The following RBFOX1 variants were observed in gnomAD, a reference collection of about 807,000 sequenced individuals.
RBFOX1 encodes the protein RNA binding fox-1 homolog 1.
RBFOX1 carries 8 observed loss-of-function variants against 57.7 expected under a neutral mutation model. The observed-to-expected ratio is 0.14, with a 90% confidence interval of 0.08 to 0.25. The LOEUF is 0.25. Ranked by LOEUF, RBFOX1 falls within the 10% of genes least tolerant of loss-of-function variation. RBFOX1 has a pLI of 1.00. For missense variants in RBFOX1, 611 were observed against 548.5 expected, an observed-to-expected ratio of 1.11 and a Z score of -1.14; for synonymous variants, 326 against 222.4, an observed-to-expected ratio of 1.47 and a Z score of -4.15.
intron 3 of RBFOX1, among the ~76,000 whole-genome samples, chr16:6,833,649 T>C (rs2092875819): frequency 6.6e-6 from 1 of 152,186 alleles, no homozygotes; most frequent in Non-Finnish European, 1.5e-5. Flanking sequence ...CTTCCTCATG[T>C]CTTCCCATTG....
intron 4 of RBFOX1, among the ~76,000 whole-genome samples, chr16:7,211,554 A>G (rs1221098728): frequency 6.6e-6 from 1 of 152,148 alleles, no homozygotes; most frequent in African/African-American, 2.4e-5. Context: ...TGTAAAGCAA[A>G]CAAACAAAAA....
chr16:6,953,931 C>G (rs777578968), intron 3 of RBFOX1, among the ~76,000 whole-genome samples: 1 of 152,142 alleles, frequency 6.6e-6, no homozygotes, highest in Non-Finnish European at 1.5e-5. Flanking sequence ...GCATCTCTTT[C>G]CTGACAGAGG....
At chr16:7,001,126 C>CG (rs2092751252) in intron 3 of RBFOX1, among the ~76,000 whole-genome samples, 1 of 152,186 alleles carries the variant, frequency 6.6e-6, no homozygotes, top group Admixed American at 6.5e-5. Flanking sequence ...TATCTTCCTT[C>CG]ATTTTTTTCC....
chr16:7,034,432 T>C (rs2043690913), intron 3 of RBFOX1, among the ~76,000 whole-genome samples: 1 of 152,108 alleles, frequency 6.6e-6, no homozygotes, highest in South Asian at 2.1e-4. Flanking sequence ...AGAGAGTCGC[T>C]GCCCTCTGCT....
At chr16:5,639,740 C>A (rs748124995) in intron 3 of RBFOX1, among the ~76,000 whole-genome samples, 3 of 152,168 alleles carry the variant, frequency 2.0e-5, no homozygotes, top group Non-Finnish European at 4.4e-5. Flanking sequence ...TTGGGCGGAA[C>A]AAGATGACTG....
chr16:6,787,421 T>A (rs1412667743), intron 3 of RBFOX1, among the ~76,000 whole-genome samples: 1 of 152,188 alleles, frequency 6.6e-6, no homozygotes, highest in African/African-American at 2.4e-5. Flanking sequence ...GCCGTGTGAT[T>A]TCCAAAATTA....
intron 4 of RBFOX1, among the ~76,000 whole-genome samples, chr16:5,913,506 T>C (rs1402475455): frequency 6.6e-6 from 1 of 152,158 alleles, no homozygotes; most frequent in East Asian, 1.9e-4. Flanking sequence ...TTCCTTGCCG[T>C]ATGACACACC....
chr16:6,156,890 A>G (rs2096842148), intron 1 of RBFOX1, among the ~76,000 whole-genome samples: 1 of 152,158 alleles, frequency 6.6e-6, no homozygotes, highest in Admixed American at 6.5e-5. Flanking sequence ...CCCAGACTGG[A>G]TGGCAGGGGC....
chr16:6,962,517 C>A (rs2083239562), intron 3 of RBFOX1, among the ~76,000 whole-genome samples: 1 of 152,106 alleles, frequency 6.6e-6, no homozygotes, highest in Admixed American at 6.5e-5. Flanking sequence ...TTTCTTCTTA[C>A]TTCAGAAGCT....
intron 4 of RBFOX1, among the ~76,000 whole-genome samples, chr16:7,067,423 T>C (rs2056332458): frequency 6.6e-6 from 1 of 152,146 alleles, no homozygotes; most frequent in South Asian, 2.1e-4. Context: ...CTGTGTTTCT[T>C]TTGGAGGCTC....
Position 6,699,388 on chromosome 16 carries a change from C to G in RBFOX1, c.-16+44738C>G, listed in dbSNP as rs531099327. Among the ~76,000 whole-genome samples the G allele has an allele frequency of 5.3e-5, 8 of 151,492 alleles. No homozygotes were observed. The East Asian group carries it at 1.6e-3, about 29-fold the overall frequency. The stretch of plus-strand genomic sequence containing the variant: ...TCATAATAAGCAGGTATTTTTTATG[C>G]AAAAGTGGTGTCTTTCAGAGTCCAG... On this transcript the variant is annotated intron_variant, in intron 3 of 15. Transcript: ENST00000550418.
chr16:6,264,309 G>T (rs1453553377), intron 1 of RBFOX1, among the ~76,000 whole-genome samples: 1 of 152,192 alleles, frequency 6.6e-6, no homozygotes, highest in Non-Finnish European at 1.5e-5. Flanking sequence ...ATCCCTGCAT[G>T]AACTTGGCTT....
rs2152569157 is a variant in RBFOX1 at position 6,108,617 on chromosome 16, G to A, written c.-127+88625G>A. Among the ~76,000 whole-genome samples the A allele has an allele frequency of 2.0e-5, 3 of 152,254 alleles. 1 individual carries two copies. The Middle Eastern group carries it at 0.01, about 518-fold the overall frequency. ...TGCAATAAATTGTCACACAGTTGGT[G>A]GCTTAGCACGACATTTATTCTTTCA... On this transcript the variant is annotated intron_variant, in intron 1 of 15. Coordinates refer to ENST00000550418, the MANE Select transcript of RBFOX1 (RefSeq NM_018723.4).
intron 4 of RBFOX1, among the ~76,000 whole-genome samples, chr16:7,124,759 T>G (rs2151870284): frequency 6.6e-6 from 1 of 152,136 alleles, no homozygotes; most frequent in South Asian, 2.1e-4. Context: ...TTCAGTGATT[T>G]TTCAATGAGG....
intron 3 of RBFOX1, among the ~76,000 whole-genome samples, chr16:6,941,833 TC>T (rs749554338): frequency 1.3e-5 from 2 of 151,974 alleles, no homozygotes; most frequent in African/African-American, 4.8e-5. Context: ...TGCTTTTTTT[TC>T]CCCCTAACTC....
intron 2 of RBFOX1, among the ~76,000 whole-genome samples, chr16:5,538,750 C>T (rs2044808346): frequency 6.6e-6 from 1 of 151,944 alleles, no homozygotes; most frequent in Non-Finnish European, 1.5e-5. Flanking sequence ...CCTTAGACTC[C>T]CGAGTAGCTG....
In RBFOX1 at chr16:7,426,250, G is replaced by T. The variant is rs1008062169; in HGVS notation, c.28-91897G>T. Among the ~76,000 whole-genome samples the T allele has an allele frequency of 1.3e-4, 20 of 151,942 alleles. No individual in the cohort carries two copies. The South Asian group carries it at 2.9e-3, about 22-fold the overall frequency. On this transcript the variant is annotated intron_variant, in intron 4 of 15. Transcript: ENST00000550418. ...GCTCTACAAATTGAGTCTTTTTTCT[G>T]CTTGACAGTGATCCTGGCATCGTCT...
intron 2 of RBFOX1, among the ~76,000 whole-genome samples, chr16:6,523,932 A>T (rs1380892903): frequency 1.3e-5 from 2 of 152,204 alleles, no homozygotes; most frequent in Non-Finnish European, 2.9e-5. Flanking sequence ...TGATACAGGG[A>T]TACAATGTGT....
intron 3 of RBFOX1, among the ~76,000 whole-genome samples, chr16:6,926,986 A>G (rs894904911): frequency 1.3e-4 from 20 of 152,252 alleles, no homozygotes; most frequent in African/African-American, 4.8e-4. Context: ...AGCTTCTCAG[A>G]CAGCTTTGTC....
Sources: allele counts gnomAD v4.1 joint callset (sites outside exome capture counted in the v4.1 genomes callset), GRCh38; gene constraint gnomAD v4.1.1; transcripts MANE v1.5; gene names NCBI Gene and HGNC (gene_info 2026-07-23, HGNC 2026-07-21).